Variants in AOPEP observed in about 807,000 individuals in gnomAD.
The protein encoded by AOPEP is aminopeptidase O (putative).
A neutral mutation model predicts 98.1 loss-of-function variants in AOPEP; 77 were observed. The ratio of observed to expected loss-of-function variants is 0.78; its 90% CI spans 0.65 to 0.95. The LOEUF (loss-of-function observed/expected upper bound fraction) is 0.95, where lower values mean the gene tolerates loss of function less well. Among genes scored for constraint, AOPEP ranks in the 40% least tolerant of loss-of-function variants. The probability of loss-of-function intolerance (pLI) is 0.00; values close to 1 mark genes in which losing one functional copy is unlikely to be tolerated. For synonymous variants in AOPEP, 346 were observed against 365.3 expected (o/e 0.95, Z 0.60); for missense variants, 1,024 against 1,024.7 (o/e 1.00, Z 0.01).
intron 5 of AOPEP, among the ~76,000 whole-genome samples, chr9:94,807,474 G>A (rs1254177188): frequency 1.4e-4 from 22 of 152,168 alleles, no homozygotes. Flanking sequence ...ACCTGCGTTT[G>A]TAATCTCTCT....
At chr9:95,030,946 T>A (rs1412059852) in intron 13 of AOPEP, among the ~76,000 whole-genome samples, 1 of 152,216 alleles carries the variant, frequency 6.6e-6, no homozygotes, top group East Asian at 1.9e-4. Context: ...ATGCAAATAG[T>A]CCTCACTTCA....
chr9:95,068,769 CTGTT>C (rs1294214831), intron 14 of AOPEP, among the ~76,000 whole-genome samples: 1 of 152,044 alleles, frequency 6.6e-6, no homozygotes, highest in Non-Finnish European at 1.5e-5. Context: ...TTTTAAAAGC[CTGTT>C]TCTCTAGCTC....
At chr9:95,055,841 A>G (rs1041140983) in intron 13 of AOPEP, among the ~76,000 whole-genome samples, 6 of 152,224 alleles carry the variant, frequency 3.9e-5, no homozygotes, top group African/African-American at 1.4e-4. Context: ...AATTTCAGCC[A>G]GCAAGTCTCC....
chr9:94,842,806 AAAAT>A (rs1272964018), intron 5 of AOPEP, among the ~76,000 whole-genome samples: 1 of 152,212 alleles, frequency 6.6e-6, no homozygotes, highest in Non-Finnish European at 1.5e-5. Flanking sequence ...ATAAAAATAA[AAAAT>A]AAAAACATTA....
chr9:94,771,658 C>T (rs1840905330), intron 2 of AOPEP, among the ~76,000 whole-genome samples: 1 of 152,218 alleles, frequency 6.6e-6, no homozygotes, highest in South Asian at 2.1e-4. Context: ...AAATACGTTA[C>T]TTCTGTAACG....
the AOPEP span, chr9:95,114,783 T>A: frequency 7.7e-7 from 1 of 1,294,526 alleles, no homozygotes; most frequent in Middle Eastern, 1.9e-4. Flanking sequence ...CCTGCAGGGA[T>A]GACCTGAAGA....
the AOPEP span, chr9:95,123,698 G>C: frequency 4.4e-6 from 3 of 681,470 alleles, no homozygotes; most frequent in Non-Finnish European, 8.2e-6. Context: ...GAGCGTCTTT[G>C]ATGCCTATGT....
At chr9:94,801,717 T>C (rs771266537) in intron 5 of AOPEP, among the ~76,000 whole-genome samples, 3 of 152,242 alleles carry the variant, frequency 2.0e-5, no homozygotes, top group Non-Finnish European at 2.9e-5. Flanking sequence ...TGAGAAAAGA[T>C]AGAGAATGTA....
chr9:95,128,036 A>G, the AOPEP span, among the ~76,000 whole-genome samples: 24 of 152,362 alleles, frequency 1.6e-4, no homozygotes, highest in African/African-American at 5.8e-4. Flanking sequence ...TAAATTCATT[A>G]TCTATGCAAG....
intron 9 of AOPEP, among the ~76,000 whole-genome samples, chr9:94,962,632 C>T: frequency 6.6e-6 from 1 of 151,826 alleles, no homozygotes; most frequent in African/African-American, 2.4e-5. Flanking sequence ...GATCCAGTTT[C>T]TTTACTCAGA....
At chr9:94,960,904 C>T (rs2058780209) in intron 9 of AOPEP, among the ~76,000 whole-genome samples, 1 of 151,014 alleles carries the variant, frequency 6.6e-6, no homozygotes, top group Middle Eastern at 3.4e-3. Context: ...CCCAGCTACT[C>T]GGGAGGCTGA....
At chr9:95,099,183 C>T in the AOPEP span, 318 of 216,956 alleles carry the variant, frequency 1.5e-3, 3 homozygotes, top group African/African-American at 6.6e-3. Context: ...GGGCGCTCTC[C>T]GCCTCTTCTG....
the AOPEP span, among the ~76,000 whole-genome samples, chr9:95,098,074 A>C: frequency 1.3e-5 from 2 of 152,150 alleles, no homozygotes; most frequent in Non-Finnish European, 2.9e-5. Context: ...CTTCCTTGGA[A>C]AGCAAAAAAA....
In AOPEP at chr9:95,047,463, C is replaced by T. The variant is rs116174742; in HGVS notation, c.2116-13231C>T. 2.5e-3 allele frequency among the ~76,000 whole-genome samples: 384 copies of T among 152,260 alleles called. 1 individual carries two copies. The highest frequency in any genetic ancestry group is 8.7e-3 in the African/African-American group (362 of 41,540). ...AGCATGTTTTAATTATAATTTTTCT[C>T]ATCTACAACATTCTAATTACATTTT... On this transcript the variant is annotated intron_variant, in intron 13 of 16. Coordinates refer to ENST00000375315, the MANE Select transcript of AOPEP (RefSeq NM_001193329.3).
At chr9:95,129,915 C>A in the AOPEP span, among the ~76,000 whole-genome samples, 1 of 152,186 alleles carries the variant, frequency 6.6e-6, no homozygotes, top group Non-Finnish European at 1.5e-5. Context: ...AAGAGCTTTC[C>A]CTCTGATCTC....
the AOPEP span, among the ~76,000 whole-genome samples, chr9:95,139,875 G>A: frequency 6.8e-6 from 1 of 146,028 alleles, no homozygotes; most frequent in African/African-American, 2.5e-5. Flanking sequence ...CATTCATTCT[G>A]TGGAAAATTT....
At chr9:94,790,927 T>C (rs533427262) in intron 3 of AOPEP, among the ~76,000 whole-genome samples, 10 of 152,002 alleles carry the variant, frequency 6.6e-5, no homozygotes, top group African/African-American at 2.4e-4. Context: ...CCTCTAAAAC[T>C]TAAAGCAAGA....
intron 16 of AOPEP, 181 bp downstream of exon 16, chr9:95,082,900 G>A: frequency 1.6e-6 from 1 of 634,702 alleles, no homozygotes; most frequent in Non-Finnish European, 2.6e-6. Context: ...GGGAGCCCCG[G>A]GTCCCTGGAG....
the AOPEP span, among the ~76,000 whole-genome samples, chr9:95,111,809 G>A: frequency 1.3e-5 from 2 of 152,222 alleles, no homozygotes; most frequent in East Asian, 3.9e-4. Context: ...ACGCCACTCT[G>A]CACCATCACA....
Sources: gnomAD v4.1 joint callset for allele counts (sites outside exome capture counted in the v4.1 genomes callset) on GRCh38, gnomAD v4.1.1 for gene constraint, MANE v1.5 for transcripts, NCBI Gene and HGNC (gene_info 2026-07-23, HGNC 2026-07-21) for gene names.